Variants in RAPH1 observed in about 807,000 individuals in gnomAD.
The protein encoded by RAPH1 is ras-associated and pleckstrin homology domains-containing protein 1.
Under a neutral mutation model 88.1 loss-of-function variants are expected in RAPH1, and 18 were observed. The ratio of observed to expected loss-of-function variants is 0.20; its 90% CI spans 0.14 to 0.30. The LOEUF (loss-of-function observed/expected upper bound fraction) is 0.30. Among genes scored for constraint, RAPH1 ranks in the 10% least tolerant of loss-of-function variants. The probability of loss-of-function intolerance (pLI) is 1.00; values close to 1 mark genes in which losing one functional copy is unlikely to be tolerated. For missense variants in RAPH1, 1,448 were observed against 1,543.2 expected (o/e 0.94, Z 1.03); for synonymous variants, 587 against 559.0 (o/e 1.05, Z -0.71).
intron 7 of RAPH1, among the ~76,000 whole-genome samples, chr2:203,458,153 C>T (rs188369497): frequency 2.4e-4 from 37 of 152,080 alleles, no homozygotes; most frequent in African/African-American, 8.5e-4. Flanking sequence ...GGGTGGATCA[C>T]GAGGTCAGAA....
intron 2 of RAPH1, among the ~76,000 whole-genome samples, chr2:203,492,745 CT>C (rs1688324540): frequency 6.6e-6 from 1 of 150,474 alleles, no homozygotes; most frequent in Non-Finnish European, 1.5e-5. Flanking sequence ...TAAAAGAATG[CT>C]GGATACTCTA....
intron 2 of RAPH1, among the ~76,000 whole-genome samples, chr2:203,494,909 G>T (rs183861176): frequency 6.6e-6 from 1 of 151,864 alleles, no homozygotes; most frequent in Admixed American, 6.6e-5. Context: ...AAGGTAACAG[G>T]GTTTTCTAAA....
At chr2:203,495,115 T>C (rs954945993) in intron 2 of RAPH1, 119 bp downstream of exon 2, 4 of 1,088,980 alleles carry the variant, frequency 3.7e-6, no homozygotes, top group Non-Finnish European at 5.4e-6. Context: ...ACTTCGAACA[T>C]TTCTTCCTTT....
At position 203,489,854 on chromosome 2, in the gene RAPH1, G is replaced by A. The variant is rs752383376; in HGVS notation, c.462C>T (p.Asp154=). 76 of 1,614,218 alleles carry A rather than the reference G, an allele frequency of 4.7e-5. No individual in the cohort carries two copies. The highest frequency in any genetic ancestry group is 2.7e-4 in the Admixed American group (16 of 60,032). The part of the protein sequence containing the change: ...AKPSHASYSL[D]DVTAQLEQAS... Reference sequence around the variant, plus strand: ...CCTGTTCTAACTGTGCAGTGACGTCGTCCAAGGAGTAGCTGGCATGGGAAG... The same window carrying A: ...CCTGTTCTAACTGTGCAGTGACGTCATCCAAGGAGTAGCTGGCATGGGAAG... The change falls in exon 4 of 14, where the codon GAC becomes GAT. Residue 154 remains aspartate, a synonymous_variant. Coordinates refer to ENST00000319170, the MANE Select transcript of RAPH1 (RefSeq NM_213589.3).
chr2:203,503,210 C>T (rs1688817585), intron 1 of RAPH1, among the ~76,000 whole-genome samples: 1 of 152,046 alleles, frequency 6.6e-6, no homozygotes, highest in Admixed American at 6.6e-5. Context: ...ATAAGCATTC[C>T]TTTATTTACA....
intron 13 of RAPH1, chr2:203,444,620 G>GTT (rs200279856): frequency 4.8e-6 from 2 of 416,256 alleles, no homozygotes; most frequent in Non-Finnish European, 8.4e-6. Context: ...TAAACTGCCA[G>GTT]TTTTTTTTGT....
intron 1 of RAPH1, among the ~76,000 whole-genome samples, chr2:203,510,883 A>G (rs1689308129): frequency 6.6e-6 from 1 of 151,966 alleles, no homozygotes; most frequent in South Asian, 2.1e-4. Context: ...ACATAGCGAG[A>G]CTCTGTCTGT....
At chr2:203,530,385 AT>A (rs1690337346) in intron 1 of RAPH1, among the ~76,000 whole-genome samples, 2 of 152,226 alleles carry the variant, frequency 1.3e-5, no homozygotes, top group Non-Finnish European at 2.9e-5. Flanking sequence ...TAAACAATCC[AT>A]TTATTTTTGT....
In RAPH1 at chr2:203,439,746, C is replaced by T; in HGVS notation, c.3444G>A (p.Val1148=). 1 of 1,614,082 alleles carries T rather than the reference C, an allele frequency of 6.2e-7. No individual in the cohort carries two copies. Among genetic ancestry groups the T allele is most frequent in the South Asian group, 1.1e-5 (1 of 91,078 alleles). The change falls in exon 14 of 14, where the codon GTG becomes GTA. Residue 1148 remains valine, a synonymous_variant. Coordinates refer to ENST00000319170, the MANE Select transcript of RAPH1 (RefSeq NM_213589.3). ...ATTTGGGAGAGGTGGGCACTTGTGG[C>T]ACAACTGTGGCCATTGTTGGCTGCT... The part of the protein sequence containing the change: ...ISEQPTMATV[V]PQVPTSPKSS...
At chr2:203,506,071 T>C (rs1465124690) in intron 1 of RAPH1, among the ~76,000 whole-genome samples, 2 of 152,138 alleles carry the variant, frequency 1.3e-5, no homozygotes, top group African/African-American at 4.8e-5. Flanking sequence ...TTGTCCTACC[T>C]ATTCCCCTAC....
At chr2:203,531,830 G>GCAGTTCCT (rs1304370386) in intron 1 of RAPH1, among the ~76,000 whole-genome samples, 1 of 152,178 alleles carries the variant, frequency 6.6e-6, no homozygotes, top group Non-Finnish European at 1.5e-5. Context: ...ATGCAATATG[G>GCAGTTCCT]CAGTTCCTCA....
At chr2:203,496,112 C>T (rs1688498842) in intron 1 of RAPH1, among the ~76,000 whole-genome samples, 1 of 152,120 alleles carries the variant, frequency 6.6e-6, no homozygotes, top group Admixed American at 6.5e-5. Flanking sequence ...AATTCCAGCA[C>T]TTTGGGAGGC....
chr2:203,495,026 G>GT, intron 2 of RAPH1: 1 of 482,402 alleles, frequency 2.1e-6, no homozygotes, highest in South Asian at 4.7e-5. Context: ...TCTCTCACAA[G>GT]TATTTTTTTT....
intron 4 of RAPH1, among the ~76,000 whole-genome samples, chr2:203,464,784 G>A (rs1451775115): frequency 1.3e-5 from 2 of 152,052 alleles, no homozygotes; most frequent in African/African-American, 4.8e-5. Flanking sequence ...AAGAGAGAGA[G>A]AGCTCTTAAA....
intron 4 of RAPH1, among the ~76,000 whole-genome samples, chr2:203,482,332 C>T (rs904862797): frequency 1.3e-5 from 2 of 152,158 alleles, no homozygotes; most frequent in African/African-American, 4.8e-5. Flanking sequence ...ATTACAGGTG[C>T]CCGCCACCAT....
chr2:203,457,614 G>T lies in RAPH1; in HGVS notation c.1093-19C>A. 6.5e-7 allele frequency: 1 copy of T among 1,549,056 alleles called. No individual in the cohort carries two copies. ...GATAATTCTGGAAAAACAAACATATGGAAGGGATGGGTGGGAGAGAAAAAA... is the reference window on the plus strand; with the variant it reads ...GATAATTCTGGAAAAACAAACATATTGAAGGGATGGGTGGGAGAGAAAAAA... On this transcript the variant is annotated intron_variant, in intron 7 of 13. Coordinates refer to ENST00000319170, the MANE Select transcript of RAPH1 (RefSeq NM_213589.3).
intron 7 of RAPH1, 89 bp from the exon 8 acceptor site, chr2:203,457,684 G>A: frequency 5.3e-6 from 5 of 940,042 alleles, no homozygotes; most frequent in Non-Finnish European, 8.7e-6. Flanking sequence ...CTTGGCACAG[G>A]TGTGTGTATG....
chr2:203,516,552 C>T (rs980530113), intron 1 of RAPH1, among the ~76,000 whole-genome samples: 6 of 151,978 alleles, frequency 3.9e-5, no homozygotes, highest in African/African-American at 1.2e-4. Context: ...AGTTTGAGAC[C>T]GGCCTGGCCA....
intron 12 of RAPH1, chr2:203,447,703 A>G: frequency 3.6e-6 from 1 of 275,716 alleles, no homozygotes; most frequent in South Asian, 8.3e-5. Flanking sequence ...TGTTTTGAAT[A>G]AATTTTATAA....
Sources: gnomAD v4.1 joint callset for allele counts (sites outside exome capture counted in the v4.1 genomes callset) on GRCh38, gnomAD v4.1.1 for gene constraint, MANE v1.5 for transcripts, NCBI Gene and HGNC (gene_info 2026-07-23, HGNC 2026-07-21) for gene names.